The following FBXW7 variants were observed in gnomAD, a reference collection of about 807,000 sequenced individuals.
FBXW7 encodes F-box/WD repeat-containing protein 7.
In FBXW7, 11 loss-of-function variants were observed where a neutral mutation model predicts 86.3. The ratio of observed to expected loss-of-function variants is 0.13; its 90% CI spans 0.08 to 0.21. The LOEUF (loss-of-function observed/expected upper bound fraction) is 0.21. FBXW7 is among the 10% of genes least tolerant of loss of function. The pLI is 1.00. For missense variants in FBXW7, 488 were observed against 847.4 expected, an observed-to-expected ratio of 0.58 and a Z score of 5.27; for synonymous variants, 313 against 297.9, an observed-to-expected ratio of 1.05 and a Z score of -0.52.
At chr4:152,452,182 A>G (rs1210777147) in intron 2 of FBXW7, among the ~76,000 whole-genome samples, 2 of 152,226 alleles carry the variant, frequency 1.3e-5, no homozygotes, top group African/African-American at 2.4e-5. Context: ...AATTTAATAA[A>G]TGAAAACTAT....
chr4:152,421,872 A>AT, intron 2 of FBXW7, among the ~76,000 whole-genome samples: 1 of 152,184 alleles, frequency 6.6e-6, no homozygotes, highest in East Asian at 1.9e-4. Flanking sequence ...TTATTCTTCT[A>AT]TGGGTGTGGT....
intron 2 of FBXW7, among the ~76,000 whole-genome samples, chr4:152,528,113 G>A (rs957097691): frequency 6.6e-6 from 1 of 152,046 alleles, no homozygotes; most frequent in Non-Finnish European, 1.5e-5. Flanking sequence ...AAATTCCAGA[G>A]CAGTCATGCA....
chr4:152,474,971 A>C (rs1015150099), intron 2 of FBXW7, among the ~76,000 whole-genome samples: 4 of 152,064 alleles, frequency 2.6e-5, no homozygotes, highest in African/African-American at 9.7e-5. Flanking sequence ...GCATGGTAGC[A>C]AACGCCAGTA....
intron 4 of FBXW7, chr4:152,352,992 C>A: frequency 7.9e-7 from 1 of 1,262,502 alleles, no homozygotes; most frequent in Middle Eastern, 3.1e-4. Flanking sequence ...AGGATGTGGG[C>A]AGCAGAGACC....
intron 4 of FBXW7, among the ~76,000 whole-genome samples, chr4:152,351,474 A>C (rs1731809826): frequency 1.3e-5 from 2 of 152,066 alleles, no homozygotes; most frequent in Non-Finnish European, 2.9e-5. Flanking sequence ...CATTGTTTTA[A>C]AGTGATTCCT....
chr4:152,459,886 G>A (rs994938848), intron 2 of FBXW7, among the ~76,000 whole-genome samples: 1 of 152,130 alleles, frequency 6.6e-6, no homozygotes, highest in South Asian at 2.1e-4. Flanking sequence ...CAAAATTGTG[G>A]AAAGCAAAAC....
rs768104958 is a variant in FBXW7, at chr4:152,411,388, T to A, written c.416A>T (p.His139Leu). ...ACTGGAGTTCGTGACACTGTTAGTA[T>A]GTGTATGTTCATCTTCTCTGCTACT... ...DDSSREDEHT[H>L]TNSVTNSSSI... Residue 139 changes from histidine to leucine, a missense_variant, in exon 4 of 14, where the codon CAT becomes CTT. Around this residue, in one of 4 missense-constraint regions of FBXW7, gnomAD observed 230 missense variants for 240.0 expected, o/e 0.96. Transcript: ENST00000281708. 6.2e-7 allele frequency: 1 copy of A among 1,613,680 alleles called. No individual in the cohort carries two copies. Among genetic ancestry groups the A allele is most frequent in the Non-Finnish European group, 8.5e-7 (1 of 1,179,840 alleles).
chr4:152,380,179 GAA>G (rs1185377924), intron 4 of FBXW7, among the ~76,000 whole-genome samples: 2 of 151,880 alleles, frequency 1.3e-5, no homozygotes, highest in Non-Finnish European at 2.9e-5. Context: ...CTGCTTGAAA[GAA>G]AGTAAAAATA....
At chr4:152,384,710 T>G (rs1735382491) in intron 4 of FBXW7, among the ~76,000 whole-genome samples, 1 of 152,046 alleles carries the variant, frequency 6.6e-6, no homozygotes, top group African/African-American at 2.4e-5. Context: ...AAATTTTAAA[T>G]GTTTTTAAAC....
At chr4:152,503,254 G>A (rs947677803) in intron 2 of FBXW7, among the ~76,000 whole-genome samples, 1 of 152,052 alleles carries the variant, frequency 6.6e-6, no homozygotes, top group Non-Finnish European at 1.5e-5. Flanking sequence ...TGAGCCATGT[G>A]ATATAAGAGA....
rs749115943 is a variant in FBXW7 at position 152,411,575 on chromosome 4, A to C, written c.229T>G (p.Leu77Val). The C allele has an allele frequency of 1.2e-6, 2 of 1,613,742 alleles. No individual in the cohort carries two copies. The highest frequency in any genetic ancestry group is 1.7e-6 in the Non-Finnish European group (2 of 1,179,862). Residue 77 changes from leucine (L) to valine (V), a missense_variant, in exon 4 of 14, where the codon TTG becomes GTG. Physicochemically the swap from Leu to Val is conservative, Grantham distance 32. Transcript: ENST00000281708. ...GGQNDSQQGQ[L>V]EENNNRFISV... ...ATAAATCTATTATTGTTTTCTTCCA[A>C]CTGTCCTTGCTGGGAATCATTTTGG...
chr4:152,354,046 A>T (rs1732123536), intron 4 of FBXW7, among the ~76,000 whole-genome samples: 1 of 152,170 alleles, frequency 6.6e-6, no homozygotes, highest in Non-Finnish European at 1.5e-5. Flanking sequence ...AATGGTTCTA[A>T]ATACTGCATA....
chr4:152,496,309 T>C (rs1030829051), intron 2 of FBXW7, among the ~76,000 whole-genome samples: 2 of 152,034 alleles, frequency 1.3e-5, no homozygotes, highest in Admixed American at 1.3e-4. Flanking sequence ...TAACAAAAAG[T>C]ATTTTTATAA....
chr4:152,407,636 A>G (rs1279199914), intron 4 of FBXW7, among the ~76,000 whole-genome samples: 2 of 152,198 alleles, frequency 1.3e-5, no homozygotes, highest in Non-Finnish European at 2.9e-5. Context: ...TGATCCTATT[A>G]CCTGATTCCT....
chr4:152,425,449 T>G, intron 2 of FBXW7, among the ~76,000 whole-genome samples: 1 of 152,166 alleles, frequency 6.6e-6, no homozygotes, highest in East Asian at 1.9e-4. Context: ...CCACCTTAAA[T>G]ATTGTATTTT....
chr4:152,403,024 C>T (rs1198534941), intron 4 of FBXW7, among the ~76,000 whole-genome samples: 1 of 152,214 alleles, frequency 6.6e-6, no homozygotes, highest in African/African-American at 2.4e-5. Context: ...CAAAGGTCCA[C>T]TCCAATTTGG....
chr4:152,335,164 A>C (rs1729945189), intron 7 of FBXW7, among the ~76,000 whole-genome samples: 1 of 152,158 alleles, frequency 6.6e-6, no homozygotes, highest in Non-Finnish European at 1.5e-5. Context: ...ATTCCCTCAA[A>C]TTCATGTTGA....
intron 2 of FBXW7, among the ~76,000 whole-genome samples, chr4:152,479,736 C>T (rs975630099): frequency 6.6e-6 from 1 of 152,094 alleles, no homozygotes; most frequent in East Asian, 1.9e-4. Flanking sequence ...ATCAGGCTGT[C>T]CCATTATAAG....
chr4:152,439,470 C>T lies in FBXW7; in HGVS notation c.-119-26941G>A, dbSNP rs1030603786. On this transcript the variant is annotated intron_variant, in intron 2 of 13. Transcript: ENST00000281708. Reference sequence around the variant, plus strand: ...CAGAGATTACAAGTTTACACAGGAACAAGCCACTCAGAAACCGATTTTCAG... The same window carrying T: ...CAGAGATTACAAGTTTACACAGGAATAAGCCACTCAGAAACCGATTTTCAG... 4.6e-5 allele frequency among the ~76,000 whole-genome samples: 7 copies of T among 152,070 alleles called. No individual in the cohort carries two copies. The East Asian group carries it at 1.2e-3, about 25-fold the overall frequency.
Sources: allele counts gnomAD v4.1 joint callset (sites outside exome capture counted in the v4.1 genomes callset), GRCh38; gene constraint gnomAD v4.1.1; regional missense constraint gnomAD v4.1.1; transcripts MANE v1.5; gene names NCBI Gene and HGNC (gene_info 2026-07-23, HGNC 2026-07-21).